The following NCAM2 variants were observed in gnomAD, a reference collection of about 807,000 sequenced individuals.
The protein encoded by NCAM2 is neural cell adhesion molecule 2.
Under a neutral mutation model 98.1 loss-of-function variants are expected in NCAM2, and 30 were observed. That is an observed-to-expected ratio of 0.31 (90% CI 0.23 to 0.41). The LOEUF (loss-of-function observed/expected upper bound fraction) is 0.41. NCAM2 is among the 10% of genes least tolerant of loss of function. The pLI, the probability that NCAM2 is intolerant of heterozygous loss-of-function variation, is 1.00. For synonymous variants in NCAM2, 368 were observed against 342.4 expected, an observed-to-expected ratio of 1.07 and a Z score of -0.83; for missense variants, 867 against 1,005.8, an observed-to-expected ratio of 0.86 and a Z score of 1.87.
chr21:21,146,507 ATG>A (rs1197103802), intron 1 of NCAM2, among the ~76,000 whole-genome samples: 1 of 147,984 alleles, frequency 6.8e-6, no homozygotes, highest in Admixed American at 6.8e-5. Context: ...ATATATGTGT[ATG>A]TGTGTGTGTA....
chr21:21,459,317 G>A (rs1019022495), intron 12 of NCAM2, among the ~76,000 whole-genome samples: 1 of 151,782 alleles, frequency 6.6e-6, no homozygotes, highest in Non-Finnish European at 1.5e-5. Context: ...CAAGCGAAAT[G>A]TGTACGTCTA....
chr21:21,181,600 A>G (rs1307214813), intron 1 of NCAM2, among the ~76,000 whole-genome samples: 2 of 152,166 alleles, frequency 1.3e-5, no homozygotes, highest in African/African-American at 4.8e-5. Context: ...GCTGCTCATC[A>G]ATTAGACCCT....
rs143247275 is a variant in NCAM2, at chr21:21,020,815, A to G, written c.55+22197A>G. Among the ~76,000 whole-genome samples the G allele has an allele frequency of 3.8e-3, 586 of 152,344 alleles. 6 individuals carry two copies. The highest frequency in any genetic ancestry group is 0.013 in the African/African-American group (541 of 41,580). On this transcript the variant is annotated intron_variant, in intron 1 of 17. Transcript: ENST00000400546. Reference sequence around the variant, plus strand: ...AATATCTTCCACATTATAGTAGAGCAGTAAAGACATAGGGGAGAGGGAAAA... The same window carrying G: ...AATATCTTCCACATTATAGTAGAGCGGTAAAGACATAGGGGAGAGGGAAAA...
intron 1 of NCAM2, among the ~76,000 whole-genome samples, chr21:21,082,281 C>CAAAAAAAAAAAAAAAAAAAAAA (rs11384165): frequency 1.6e-5 from 2 of 127,874 alleles, no homozygotes; most frequent in Non-Finnish European, 3.2e-5. Context: ...GAGCTCAAAA[C>CAAAAAAAAAAAAAAAAAAAAAA]AAAAAAAAAA....
chr21:21,378,747 G>T (rs1201730758), intron 9 of NCAM2, among the ~76,000 whole-genome samples: 2 of 151,870 alleles, frequency 1.3e-5, no homozygotes, highest in Non-Finnish European at 2.9e-5. Flanking sequence ...AGTACCTATT[G>T]ATGGACATTT....
At chr21:21,516,701 A>T (rs1425310542) in intron 16 of NCAM2, among the ~76,000 whole-genome samples, 1 of 151,916 alleles carries the variant, frequency 6.6e-6, no homozygotes, top group African/African-American at 2.4e-5. Context: ...TCACTGCTTA[A>T]TCTCTTCTAT....
intron 12 of NCAM2, among the ~76,000 whole-genome samples, chr21:21,459,417 TAC>T (rs3039016): frequency 0.052 from 7,726 of 147,346 alleles, 658 homozygotes; most frequent in African/African-American, 0.18. Context: ...AATATGTATA[TAC>T]ACACACACAC....
Position 21,317,070 on chromosome 21 carries a change from G to A in NCAM2, c.620-7313G>A, listed in dbSNP as rs915160614. Among the ~76,000 whole-genome samples the A allele has an allele frequency of 5.9e-5, 9 of 152,092 alleles. No individual in the cohort carries two copies. The East Asian group carries it at 1.7e-3, about 29-fold the overall frequency. ...TACACAAACTCCAAGGGCAATACAA[G>A]ACACCAAGCCCACAGCTGCCCTTCT... On this transcript the variant is annotated intron_variant, in intron 5 of 17. Coordinates refer to ENST00000400546, the MANE Select transcript of NCAM2 (RefSeq NM_004540.5).
intron 1 of NCAM2, among the ~76,000 whole-genome samples, chr21:21,136,271 T>C (rs2067047645): frequency 6.6e-6 from 1 of 152,200 alleles, no homozygotes; most frequent in South Asian, 2.1e-4. Flanking sequence ...GAGGAAGTCA[T>C]ATAGCCATAA....
At chr21:21,252,824 C>T (rs1289558228) in intron 1 of NCAM2, among the ~76,000 whole-genome samples, 1 of 152,076 alleles carries the variant, frequency 6.6e-6, no homozygotes, top group Admixed American at 6.6e-5. Context: ...TCCTTCCTTC[C>T]TGTTCTTGCA....
At chr21:21,161,658 T>C (rs1256785237) in intron 1 of NCAM2, among the ~76,000 whole-genome samples, 1 of 151,944 alleles carries the variant, frequency 6.6e-6, no homozygotes, top group Non-Finnish European at 1.5e-5. Flanking sequence ...ATTTATGCAA[T>C]ATCCTGTGTC....
intron 1 of NCAM2, among the ~76,000 whole-genome samples, chr21:21,031,038 C>T (rs181311706): frequency 9.9e-5 from 15 of 152,188 alleles, no homozygotes; most frequent in Non-Finnish European, 5.9e-5. Flanking sequence ...AAAGCCCTTA[C>T]ATTAAGAAAT....
At chr21:21,122,570 T>TGG (rs1420915796) in intron 1 of NCAM2, among the ~76,000 whole-genome samples, 2 of 152,172 alleles carry the variant, frequency 1.3e-5, no homozygotes, top group Non-Finnish European at 2.9e-5. Context: ...TCTGAGCCCG[T>TGG]ATTGTCTAAT....
intron 11 of NCAM2, among the ~76,000 whole-genome samples, chr21:21,429,572 T>C (rs980571761): frequency 2.0e-5 from 3 of 152,220 alleles, no homozygotes; most frequent in African/African-American, 4.8e-5. Context: ...GCCTTTCTCC[T>C]ATACTTTGGA....
intron 9 of NCAM2, among the ~76,000 whole-genome samples, chr21:21,393,934 A>G (rs1243844076): frequency 2.0e-5 from 3 of 152,212 alleles, no homozygotes; most frequent in Non-Finnish European, 4.4e-5. Flanking sequence ...TATTAGAAAT[A>G]TGAATAATTC....
intron 1 of NCAM2, among the ~76,000 whole-genome samples, chr21:21,131,562 C>G (rs554754105): frequency 1.3e-5 from 2 of 152,318 alleles, no homozygotes; most frequent in Admixed American, 6.5e-5. Context: ...CATGAGCCAC[C>G]ACTCCTGGCT....
chr21:21,002,348 G>A (rs991305941), intron 1 of NCAM2, among the ~76,000 whole-genome samples: 1 of 152,060 alleles, frequency 6.6e-6, no homozygotes, highest in African/African-American at 2.4e-5. Flanking sequence ...TACTAGAGAA[G>A]CAATTAATGG....
At chr21:21,218,163 C>T (rs1432410525) in intron 1 of NCAM2, among the ~76,000 whole-genome samples, 2 of 152,070 alleles carry the variant, frequency 1.3e-5, no homozygotes, top group Non-Finnish European at 2.9e-5. Context: ...TGCATAAATG[C>T]GTTTAGGATA....
At chr21:21,135,092 AAAAAT>A (rs2067018095) in intron 1 of NCAM2, among the ~76,000 whole-genome samples, 2 of 121,174 alleles carry the variant, frequency 1.7e-5, no homozygotes, top group African/African-American at 6.7e-5. Context: ...AAAAAAAAAA[AAAAAT>A]TAGCTGGGCG....
Sources: allele counts gnomAD v4.1 joint callset (sites outside exome capture counted in the v4.1 genomes callset), GRCh38; gene constraint gnomAD v4.1.1; transcripts MANE v1.5; gene names NCBI Gene and HGNC (gene_info 2026-07-23, HGNC 2026-07-21).